POLM: variants seen among roughly 807,000 people sequenced by gnomAD.
POLM encodes the protein DNA polymerase mu.
Under a neutral mutation model 56.7 loss-of-function variants are expected in POLM, and 52 were observed. That is an observed-to-expected ratio of 0.92 (90% CI 0.73 to 1.15). The LOEUF is 1.15. POLM is among the 50% of genes most tolerant of loss of function. The pLI, the probability that POLM is intolerant of heterozygous loss-of-function variation, is 0.00. For synonymous variants in POLM, 273 were observed against 274.3 expected (o/e 1.00, Z 0.05); for missense variants, 660 against 663.6 (o/e 0.99, Z 0.06).
Position 44,079,001 on chromosome 7 carries a change from A to G in POLM, c.643-190T>C, listed in dbSNP as rs996536228. ...AGACTGTGCCCAGGGAGGTGACCAA[A>G]GTTGCTGCCACACAGCTGGGAGGTC... On this transcript the variant is annotated intron_variant, in intron 4 of 10. Transcript: ENST00000242248. Among the ~76,000 whole-genome samples, 5 of 152,160 alleles carry G rather than the reference A, an allele frequency of 3.3e-5. No individual in the cohort carries two copies. In the East Asian group the frequency reaches 9.6e-4, roughly 29 times the overall value.
In POLM at chr7:44,074,399, T is replaced by C. The variant is rs1188686253; in HGVS notation, c.967A>G (p.Arg323Gly). Residue 323 changes from arginine to glycine, a missense_variant and splice_region_variant, in exon 7 of 11, where the codon AGG (arginine) becomes GGG (glycine). Arg to Gly is a moderately radical substitution (Grantham distance 125). Coordinates refer to ENST00000242248, the MANE Select transcript of POLM (RefSeq NM_013284.4). Reference sequence around the variant, plus strand: ...GAGGGGCACGTCGGGCCTTCTTACCTGCGGAAGCCGCCGGTCAGCGTGACG... The same window carrying C: ...GAGGGGCACGTCGGGCCTTCTTACCCGCGGAAGCCGCCGGTCAGCGTGACG... ...ATVTLTGGFR[R>G]GKLQGHDVDF... 1 of 1,555,008 alleles carries C rather than the reference T, an allele frequency of 6.4e-7. No individual in the cohort carries two copies. The highest frequency in any genetic ancestry group is 8.7e-7 in the Non-Finnish European group (1 of 1,149,082).
At chr7:44,078,670 T>C (rs777496569) in intron 5 of POLM, 70 bp downstream of exon 5, 20 of 1,397,762 alleles carry the variant, frequency 1.4e-5, no homozygotes, top group East Asian at 2.3e-5. Flanking sequence ...TCCCCGTGCA[T>C]GGTGTGGACT....
Position 44,074,408 on chromosome 7 carries a change from C to T in POLM, c.958G>A (p.Gly320Ser), listed in dbSNP as rs930869351. The T allele has an allele frequency of 1.0e-5, 16 of 1,556,808 alleles. No individual in the cohort carries two copies. The highest frequency in any genetic ancestry group is 3.4e-4 in the Middle Eastern group (2 of 5,938). Residue 320 changes from glycine to serine, a missense_variant, in exon 7 of 11, where the codon GGC becomes AGC. Coordinates refer to ENST00000242248, the MANE Select transcript of POLM (RefSeq NM_013284.4). ...GTCGGGCCTTCTTACCTGCGGAAGC[C>T]GCCGGTCAGCGTGACGGTGGCCCCA... ...LPGATVTLTG[G>S]FRRGKLQGHD...
At position 44,076,592 on chromosome 7, in the gene POLM, G is replaced by C. The variant is rs768381263; in HGVS notation, c.752C>G (p.Ala251Gly). Residue 251 changes from alanine (A) to glycine (G), a missense_variant, in exon 6 of 11, where the codon GCT becomes GGT. By Grantham distance (60) the Ala-to-Gly change is moderately conservative. Transcript: ENST00000242248. ...CAGTCCTTCCCGGTACCACCGGTCA[G>C]CAGTCTTCACACCGACCCCGAAGAT... ...TQIFGVGVKT[A>G]DRWYREGLRT... The C allele has an allele frequency of 1.9e-6, 3 of 1,614,130 alleles. No homozygotes were observed. The highest frequency in any genetic ancestry group is 1.7e-5 in the Admixed American group (1 of 60,022).
At chr7:44,080,362 C>T (rs1231061215) in intron 2 of POLM, 1 of 546,930 alleles carries the variant, frequency 1.8e-6, no homozygotes. Context: ...CCCAAGCCCA[C>T]ACCTGTCAGA....
At position 44,080,433 on chromosome 7, in the gene POLM, C is replaced by T. The variant is rs181819351; in HGVS notation, c.372+300G>A. On this transcript the variant is annotated intron_variant, in intron 2 of 10. Coordinates refer to ENST00000242248, the MANE Select transcript of POLM (RefSeq NM_013284.4). ...CTGCTAACCCATGGGTCATCCCGCT[C>T]GGAGTTGCTGTGTCATCTACTTGGT... The T allele has an allele frequency of 1.3e-3, 752 of 592,620 alleles. 7 individuals carry two copies. The highest frequency in any genetic ancestry group is 4.8e-4 in the Non-Finnish European group (150 of 315,200). 36.7% of individuals were successfully genotyped at this position (592,620 alleles called of 1,614,324 possible). A position where few individuals can be genotyped will look rare whatever the true frequency, so the allele number is the denominator to read the frequency against.
In POLM at chr7:44,079,930, GCTCAGAGGCCCCTTCCT is replaced by G; in HGVS notation, c.385_401del (p.Arg129ProfsTer36). The G allele has an allele frequency of 6.2e-7, 1 of 1,613,842 alleles. No homozygotes were observed. Among genetic ancestry groups the G allele is most frequent in the Non-Finnish European group, 8.5e-7 (1 of 1,179,950 alleles). The stretch of plus-strand genomic sequence containing the variant: ...AGGCATAGGCAGGCATCCATGCTGG[GCTCAGAGGCCCCTTCCT>G]TGGCCCAGCCACCTGGGGATGGGCA... On this transcript the variant is annotated frameshift_variant, in exon 3 of 11. Coordinates refer to ENST00000242248, the MANE Select transcript of POLM (RefSeq NM_013284.4). LOFTEE classifies it high-confidence loss of function.
intron 2 of POLM, chr7:44,080,314 C>A: frequency 1.8e-6 from 1 of 542,006 alleles, no homozygotes; most frequent in Non-Finnish European, 3.5e-6. Context: ...AACCATGGCT[C>A]ACAGGCTGGG....
intron 6 of POLM, chr7:44,075,718 C>CT (rs1199628874): frequency 0.2 from 27,004 of 132,968 alleles, 3,063 homozygotes; most frequent in Admixed American, 0.23. Context: ...TCCTTCCCAC[C>CT]TTTTTTTTTT....
Position 44,080,748 on chromosome 7 carries a change from G to T in POLM, c.357C>A (p.Cys119Ter). The T allele has an allele frequency of 6.2e-7, 1 of 1,614,030 alleles. No homozygotes were observed. The change falls in exon 2 of 11, where the codon TGC (cysteine) becomes TGA (stop). Residue 119 changes from cysteine (C) to a stop codon, truncating the protein, a stop_gained. Transcript: ENST00000242248. LOFTEE classifies it high-confidence loss of function. ...LGAGQPVPVE[C>*]RHRLEVAGPR... ...CCCAGCTCACCTCCAGGCGGTGCCG[G>T]CACTCCACAGGTACAGGCTGCCCAG...
chr7:44,073,915 T>C lies in POLM; in HGVS notation c.1182A>G (p.Leu394=), dbSNP rs1562666908. The C allele has an allele frequency of 1.2e-6, 2 of 1,614,178 alleles. No individual in the cohort carries two copies. Among genetic ancestry groups the C allele is most frequent in the Non-Finnish European group, 1.7e-6 (2 of 1,180,012 alleles). ...AFERSFCIFR[L]PQPPGAAVGG... ...CCACAGCAGCCCCTGGAGGTTGTGGTAGGCGGAAAATGCAGAAACTTCTCT... is the reference window on the plus strand; with the variant it reads ...CCACAGCAGCCCCTGGAGGTTGTGGCAGGCGGAAAATGCAGAAACTTCTCT... Residue 394 remains leucine (L), a synonymous_variant, in exon 9 of 11, where the codon CTA becomes CTG. Transcript: ENST00000242248.
intron 6 of POLM, among the ~76,000 whole-genome samples, chr7:44,075,191 C>T (rs554222822): frequency 2.0e-5 from 3 of 152,324 alleles, no homozygotes; most frequent in South Asian, 2.1e-4. Context: ...GCTGAGATTA[C>T]GGGTGTCTGC....
chr7:44,077,306 C>G (rs770814615), intron 5 of POLM, among the ~76,000 whole-genome samples: 6 of 152,232 alleles, frequency 3.9e-5, no homozygotes, highest in Non-Finnish European at 5.9e-5. Context: ...AGCCACCGTG[C>G]AGAGGGGCAG....
Position 44,072,405 on chromosome 7 carries a change from G to A in POLM, c.*886C>T, listed in dbSNP as rs1261324790. On this transcript the variant is annotated 3_prime_UTR_variant, in exon 11 of 11. Transcript: ENST00000242248. ...AACCTGAGGCCAGAGTGTGCCTGGG[G>A]ATATGAGGGACGTGGAGGGCACCCA... The A allele has an allele frequency of 6.6e-6, 1 of 152,208 alleles. No homozygotes were observed. The highest frequency in any genetic ancestry group is 2.4e-5 in the African/African-American group (1 of 41,434). The allele number at this position is 152,208 out of a possible 1,614,324, so 9.4% of individuals were successfully genotyped here. A position where few individuals can be genotyped will look rare whatever the true frequency, so the allele number is the denominator to read the frequency against.
chr7:44,075,475 G>T (rs1487866432), intron 6 of POLM, among the ~76,000 whole-genome samples: 1 of 151,030 alleles, frequency 6.6e-6, no homozygotes. Context: ...CCAGCTCTGC[G>T]GGTCTCACCT....
In POLM at chr7:44,074,490, C is replaced by T; in HGVS notation, c.876G>A (p.Arg292=). ...CCTGCTGCAGGGCATCTACATCGGACCGCAGGACTGGGGTGCTCAGGTCCT... is the reference window on the plus strand; with the variant it reads ...CCTGCTGCAGGGCATCTACATCGGATCGCAGGACTGGGGTGCTCAGGTCCT... ...HHQDLSTPVL[R]SDVDALQQVV... The change falls in exon 7 of 11, where the codon CGG becomes CGA. Residue 292 remains arginine, a synonymous_variant. Transcript: ENST00000242248. 6.3e-7 allele frequency: 1 copy of T among 1,598,426 alleles called. No homozygotes were observed. The highest frequency in any genetic ancestry group is 2.3e-5 in the East Asian group (1 of 44,274).
intron 9 of POLM, 33 bp from the exon 10 acceptor site, chr7:44,073,741 G>GCCCAGC: frequency 6.2e-7 from 1 of 1,614,060 alleles, no homozygotes; most frequent in Non-Finnish European, 8.5e-7. Flanking sequence ...AGCAGGGCTG[G>GCCCAGC]CCCAGCCCCA....
intron 1 of POLM, among the ~76,000 whole-genome samples, chr7:44,081,541 C>T (rs1181173611): frequency 6.6e-6 from 1 of 152,154 alleles, no homozygotes; most frequent in Non-Finnish European, 1.5e-5. Flanking sequence ...AACTAGGGGG[C>T]ACCCCCAGCT....
chr7:44,079,528 T>TCCCC, intron 4 of POLM, 43 bp downstream of exon 4: 190 of 1,506,210 alleles, frequency 1.3e-4, no homozygotes, highest in Non-Finnish European at 1.6e-4. Context: ...CCCCAAGGCC[T>TCCCC]CCCCACCCAC....
Sources: allele counts gnomAD v4.1 joint callset (sites outside exome capture counted in the v4.1 genomes callset), GRCh38; gene constraint gnomAD v4.1.1; transcripts MANE v1.5; gene names NCBI Gene and HGNC (gene_info 2026-07-23, HGNC 2026-07-21).